Variants in JAKMIP2 observed in about 807,000 individuals in gnomAD.
JAKMIP2 encodes janus kinase and microtubule interacting protein 2.
JAKMIP2 carries 25 observed loss-of-function variants against 115.0 expected under a neutral mutation model. The ratio of observed to expected loss-of-function variants is 0.22; its 90% CI spans 0.16 to 0.30. The LOEUF (loss-of-function observed/expected upper bound fraction) is 0.30. JAKMIP2 is among the 10% of genes least tolerant of loss of function. The pLI, the probability that JAKMIP2 is intolerant of heterozygous loss-of-function variation, is 1.00. For synonymous variants in JAKMIP2, 334 were observed against 343.6 expected (o/e 0.97, Z 0.31); for missense variants, 642 against 957.6 (o/e 0.67, Z 4.35).
At chr5:147,742,155 A>ATATATATATATATATATATATT in intron 1 of JAKMIP2, among the ~76,000 whole-genome samples, 2 of 108,882 alleles carry the variant, frequency 1.8e-5, no homozygotes, top group African/African-American at 7.6e-5. Flanking sequence ...ATATATATAT[A>ATATATATATATATATATATATT]TTTTTTTTAC....
Position 147,671,937 on chromosome 5 carries a change from A to G in JAKMIP2, c.-131T>C, listed in dbSNP as rs1759620201. ...GGTGCTCCTTGGTAAGGTCTCCTCA[A>G]TCGCTGCCCTGGAAGCCCTGAGAAG... On this transcript the variant is annotated 5_prime_UTR_variant, in exon 2 of 22. Coordinates refer to ENST00000616793, the MANE Select transcript of JAKMIP2 (RefSeq NM_001270941.2). 4.5e-6 allele frequency: 6 copies of G among 1,326,386 alleles called. No homozygotes were observed. The East Asian group carries it at 8.5e-5, about 19-fold the overall frequency. The allele number at this position is 1,326,386 out of a possible 1,614,324, so 82.2% of individuals were successfully genotyped here.
chr5:147,626,689 T>C (rs7711029), intron 16 of JAKMIP2, among the ~76,000 whole-genome samples: 35,992 of 152,116 alleles, frequency 0.24, 5,548 homozygotes, highest in East Asian at 0.46. Context: ...TAAGTACAGT[T>C]GTACTGCACC....
At chr5:147,716,348 G>C (rs1007041245) in intron 1 of JAKMIP2, among the ~76,000 whole-genome samples, 4 of 142,560 alleles carry the variant, frequency 2.8e-5, no homozygotes, top group African/African-American at 1.1e-4. Context: ...ATAGTCCTTT[G>C]GGTATATACC....
chr5:147,721,625 G>A (rs1452144428), intron 1 of JAKMIP2, among the ~76,000 whole-genome samples: 5 of 152,162 alleles, frequency 3.3e-5, no homozygotes, highest in East Asian at 1.9e-4. Flanking sequence ...GGTGCCGTCA[G>A]TCACCCCTTT....
At chr5:147,595,097 T>C (rs1464637276) in intron 21 of JAKMIP2, among the ~76,000 whole-genome samples, 1 of 152,224 alleles carries the variant, frequency 6.6e-6, no homozygotes, top group Non-Finnish European at 1.5e-5. Context: ...TGACCTTTAA[T>C]GAGCCTTTCT....
intron 1 of JAKMIP2, among the ~76,000 whole-genome samples, chr5:147,733,708 T>C (rs753941684): frequency 6.6e-6 from 1 of 152,156 alleles, no homozygotes; most frequent in Admixed American, 6.5e-5. Context: ...AGTGAGAACA[T>C]GCAGTGTTCG....
intron 1 of JAKMIP2, among the ~76,000 whole-genome samples, chr5:147,764,326 A>G (rs1225422097): frequency 6.6e-6 from 1 of 152,134 alleles, no homozygotes. Context: ...GAACAGTACC[A>G]TAGTGACCAC....
At chr5:147,718,897 ATG>A (rs1331273503) in intron 1 of JAKMIP2, among the ~76,000 whole-genome samples, 1 of 142,970 alleles carries the variant, frequency 7.0e-6, no homozygotes, top group East Asian at 2.1e-4. Flanking sequence ...TAGCTTTTGA[ATG>A]TGTTTGCTCT....
intron 1 of JAKMIP2, among the ~76,000 whole-genome samples, chr5:147,757,870 T>A (rs574084516): frequency 6.6e-6 from 1 of 152,286 alleles, no homozygotes; most frequent in African/African-American, 2.4e-5. Flanking sequence ...ATTTGACATA[T>A]ATGGAATCAA....
intron 20 of JAKMIP2, among the ~76,000 whole-genome samples, chr5:147,605,576 T>C (rs1363449741): frequency 6.6e-6 from 1 of 152,190 alleles, no homozygotes; most frequent in Non-Finnish European, 1.5e-5. Flanking sequence ...GTCTTTGTTA[T>C]TGTGAATAGT....
At chr5:147,631,270 G>A (rs1757335825) in intron 14 of JAKMIP2, 143 bp downstream of exon 14, 2 of 535,002 alleles carry the variant, frequency 3.7e-6, no homozygotes, top group Non-Finnish European at 6.6e-6. Context: ...TAGTAGAAGT[G>A]ACTATTTTCA....
At chr5:147,678,118 C>T (rs1209158547) in intron 1 of JAKMIP2, among the ~76,000 whole-genome samples, 1 of 152,174 alleles carries the variant, frequency 6.6e-6, no homozygotes, top group African/African-American at 2.4e-5. Context: ...ATTCTCCTGC[C>T]TCAGCCTCCT....
intron 1 of JAKMIP2, among the ~76,000 whole-genome samples, chr5:147,777,833 A>G (rs1034232161): frequency 6.6e-6 from 1 of 152,094 alleles, no homozygotes; most frequent in Non-Finnish European, 1.5e-5. Context: ...GTATGTGCCT[A>G]GGGCATTAAT....
intron 21 of JAKMIP2, among the ~76,000 whole-genome samples, chr5:147,596,416 T>C (rs921108406): frequency 6.6e-6 from 1 of 152,134 alleles, no homozygotes; most frequent in African/African-American, 2.4e-5. Flanking sequence ...AATATATTTG[T>C]TTATGTCCTC....
chr5:147,607,285 A>G (rs914201826), intron 20 of JAKMIP2, among the ~76,000 whole-genome samples: 2 of 152,212 alleles, frequency 1.3e-5, no homozygotes, highest in Non-Finnish European at 2.9e-5. Flanking sequence ...GCTTTTGCCC[A>G]TTCAGTATGA....
chr5:147,774,472 G>A (rs1301460827), intron 1 of JAKMIP2, among the ~76,000 whole-genome samples: 1 of 152,074 alleles, frequency 6.6e-6, no homozygotes, highest in African/African-American at 2.4e-5. Context: ...TTTGTTGACT[G>A]TTTTGCTCTT....
chr5:147,698,725 C>T (rs550351770), intron 1 of JAKMIP2, among the ~76,000 whole-genome samples: 25 of 152,276 alleles, frequency 1.6e-4, no homozygotes, highest in South Asian at 8.3e-4. Context: ...CATGATTGTA[C>T]GTTTCCTGAG....
rs143734206 is a variant in JAKMIP2, at chr5:147,737,692, T to C, written c.-149+44764A>G. On this transcript the variant is annotated intron_variant, in intron 1 of 21. Transcript: ENST00000616793. ...TATTGAGTGCAATATATCGATATAC[T>C]TATTTTTCAAAATGTTATAATGGGT... Among the ~76,000 whole-genome samples, 463 of 152,346 alleles carry C rather than the reference T, an allele frequency of 3.0e-3. 3 individuals are homozygous for C. The highest frequency in any genetic ancestry group is 9.8e-3 in the African/African-American group (407 of 41,576).
At chr5:147,674,191 C>A (rs1759797063) in intron 1 of JAKMIP2, among the ~76,000 whole-genome samples, 1 of 152,106 alleles carries the variant, frequency 6.6e-6, no homozygotes, top group Non-Finnish European at 1.5e-5. Context: ...GTCCAATTGT[C>A]CCAGATATAA....
Sources: allele counts gnomAD v4.1 joint callset (sites outside exome capture counted in the v4.1 genomes callset), GRCh38; gene constraint gnomAD v4.1.1; transcripts MANE v1.5; gene names NCBI Gene and HGNC (gene_info 2026-07-23, HGNC 2026-07-21).